GRAMD1B: variants seen among roughly 807,000 people sequenced by gnomAD.
The protein encoded by GRAMD1B is protein Aster-B.
In GRAMD1B, 37 loss-of-function variants were observed where a neutral mutation model predicts 99.7. The observed-to-expected ratio is 0.37, with a 90% CI of 0.29 to 0.49. The LOEUF (loss-of-function observed/expected upper bound fraction) is 0.49. Among genes scored for constraint, GRAMD1B ranks in the 20% least tolerant of loss-of-function variants. The pLI is 0.98. For synonymous variants in GRAMD1B, 427 were observed against 387.6 expected (o/e 1.10, Z -1.19); for missense variants, 888 against 1,009.2 (o/e 0.88, Z 1.63).
At position 123,618,755 on chromosome 11, in the gene GRAMD1B, C is replaced by T. The variant is rs775623707; in HGVS notation, c.2381C>T (p.Thr794Ile). 7 of 1,584,708 alleles carry T rather than the reference C, an allele frequency of 4.4e-6. No homozygotes were observed. Among genetic ancestry groups the T allele is most frequent in the East Asian group, 2.3e-5 (1 of 43,616 alleles). The change falls in exon 18 of 20, where the codon ACC (threonine) becomes ATC (isoleucine). Residue 794 changes from threonine to isoleucine, a missense_variant. Thr to Ile is a moderately conservative substitution (Grantham distance 89). This residue lies in a region of GRAMD1B where 232 missense variants were observed against 261.7 expected (regional missense o/e 0.89). Coordinates refer to ENST00000635736, the MANE Select transcript of GRAMD1B (RefSeq NM_001387025.1). ...TACAAACTCTGGATGTTGGAATACA[C>T]CACGCAGACCCTCACTGCCTGGCAG... ...LFYKLWMLEY[T>I]TQTLTAWQGL...
intron 1 of GRAMD1B, among the ~76,000 whole-genome samples, chr11:123,450,493 G>A (rs1450445494): frequency 6.6e-6 from 1 of 152,166 alleles, no homozygotes; most frequent in Non-Finnish European, 1.5e-5. Flanking sequence ...TCTCTAGTGG[G>A]GTAGAGAGAC....
rs1481759359 is a variant in GRAMD1B, at chr11:123,483,020, C to T, written c.452+2127C>T. 2.0e-5 allele frequency among the ~76,000 whole-genome samples: 3 copies of T among 149,428 alleles called. No individual in the cohort carries two copies. In the Admixed American group the frequency reaches 2.0e-4, roughly 10 times the overall value. ...GCAGTGAGTCAAGATTGTGCCACTG[C>T]ACTCCAGATTGGGTGGAAAAAAAAA... On this transcript the variant is annotated intron_variant, in intron 2 of 19. Coordinates refer to ENST00000635736, the MANE Select transcript of GRAMD1B (RefSeq NM_001387025.1).
chr11:123,379,771 G>A (rs548780582), intron 1 of GRAMD1B, among the ~76,000 whole-genome samples: 1 of 152,302 alleles, frequency 6.6e-6, no homozygotes, highest in South Asian at 2.1e-4. Context: ...TTTTCCAAAG[G>A]ACTGCACTAT....
intron 1 of GRAMD1B, among the ~76,000 whole-genome samples, chr11:123,464,850 T>C (rs764495350): frequency 4.5e-4 from 69 of 152,180 alleles, no homozygotes; most frequent in Non-Finnish European, 8.8e-4. Flanking sequence ...TGGAACTATT[T>C]CTGTGTTTCC....
chr11:123,495,245 A>C (rs1046165639), intron 2 of GRAMD1B, among the ~76,000 whole-genome samples: 3 of 152,132 alleles, frequency 2.0e-5, no homozygotes, highest in Non-Finnish European at 2.9e-5. Context: ...AATAAACATA[A>C]ATATAAATAC....
intron 1 of GRAMD1B, among the ~76,000 whole-genome samples, chr11:123,421,299 A>C (rs923991996): frequency 1.2e-4 from 19 of 152,224 alleles, no homozygotes; most frequent in Non-Finnish European, 1.5e-4. Context: ...TGGGCTTATG[A>C]GGGAATTAGA....
chr11:123,556,303 A>G (rs1031887957), intron 2 of GRAMD1B, among the ~76,000 whole-genome samples: 1 of 152,254 alleles, frequency 6.6e-6, no homozygotes, highest in East Asian at 1.9e-4. Flanking sequence ...AAAGTTTTTA[A>G]ATTTTATTTT....
upstream of GRAMD1B, among the ~76,000 whole-genome samples, chr11:123,425,398 A>G (rs925227412): frequency 6.6e-5 from 10 of 152,294 alleles, no homozygotes; most frequent in African/African-American, 2.2e-4. Context: ...AAGTCCTTGC[A>G]AGATTTAGAG....
chr11:123,584,884 A>G (rs1949910804), intron 4 of GRAMD1B, among the ~76,000 whole-genome samples: 1 of 152,112 alleles, frequency 6.6e-6, no homozygotes, highest in African/African-American at 2.4e-5. Flanking sequence ...TGTCTAGGTC[A>G]TCCTGGGGCG....
rs968713845 is a variant in GRAMD1B, at chr11:123,430,688, G to T, written c.-105G>T. ...AAGGAACTTGTTCCTTCGGCCCCAGGATTGGGGAGTGTGCCGCGGGGCCGA... is the reference window on the plus strand; with the variant it reads ...AAGGAACTTGTTCCTTCGGCCCCAGTATTGGGGAGTGTGCCGCGGGGCCGA... On this transcript the variant is annotated 5_prime_UTR_variant, in exon 1 of 20. Coordinates refer to ENST00000635736, the MANE Select transcript of GRAMD1B (RefSeq NM_001387025.1). The T allele has an allele frequency of 5.2e-6, 3 of 575,894 alleles. No individual in the cohort carries two copies. In the African/African-American group the frequency reaches 6.0e-5, roughly 11 times the overall value. The allele number at this position is 575,894 out of a possible 1,614,324, so 35.7% of individuals were successfully genotyped here.
intron 1 of GRAMD1B, among the ~76,000 whole-genome samples, chr11:123,367,888 A>G (rs925610637): frequency 1.3e-5 from 2 of 152,102 alleles, no homozygotes; most frequent in South Asian, 4.1e-4. Context: ...GTAAAGTATC[A>G]TCCAGATCTG....
At chr11:123,544,691 C>T (rs1289873938) in intron 2 of GRAMD1B, among the ~76,000 whole-genome samples, 2 of 152,238 alleles carry the variant, frequency 1.3e-5, no homozygotes, top group Non-Finnish European at 2.9e-5. Flanking sequence ...CGGCGGTTGT[C>T]ATCCAGGTGC....
Position 123,370,279 on chromosome 11 carries a change from G to T in GRAMD1B, c.-176+11480G>T, listed in dbSNP as rs554016077. 1.4e-4 allele frequency among the ~76,000 whole-genome samples: 21 copies of T among 149,614 alleles called. 1 individual carries two copies. The South Asian group carries it at 4.4e-3, about 32-fold the overall frequency. On this transcript the variant is annotated intron_variant, in intron 1 of 20. Transcript: ENST00000638157. ...TGCACTGAGCCGAGATTGCGCCACT[G>T]CACTCCAGCCTGGGTGCCAGAGCGA...
chr11:123,479,680 T>C (rs1185410025), intron 1 of GRAMD1B, among the ~76,000 whole-genome samples: 1 of 152,178 alleles, frequency 6.6e-6, no homozygotes, highest in Non-Finnish European at 1.5e-5. Flanking sequence ...ATTGTGGGCT[T>C]TGTGGGCCTA....
chr11:123,452,947 G>A (rs1949953747), intron 1 of GRAMD1B, among the ~76,000 whole-genome samples: 1 of 152,194 alleles, frequency 6.6e-6, no homozygotes, highest in African/African-American at 2.4e-5. Flanking sequence ...CACCACTGAA[G>A]TAAAGAATTC....
chr11:123,623,022 G>C lies in GRAMD1B; in HGVS notation c.*427G>C, dbSNP rs1197222132. On this transcript the variant is annotated 3_prime_UTR_variant, in exon 20 of 20. Transcript: ENST00000635736. ...TCATTCCCTAATCCCCTTTTGATTT[G>C]TTTCCAAAATAAAAGAGAATCTTTT... The C allele has an allele frequency of 6.6e-6, 1 of 152,110 alleles. No homozygotes were observed. Among genetic ancestry groups the C allele is most frequent in the Non-Finnish European group, 1.5e-5 (1 of 68,026 alleles). 9.4% of individuals were successfully genotyped at this position (152,110 alleles called of 1,614,324 possible). A position where few individuals can be genotyped will look rare whatever the true frequency, so the allele number is the denominator to read the frequency against.
intron 1 of GRAMD1B, among the ~76,000 whole-genome samples, chr11:123,438,765 A>G (rs733353): frequency 0.41 from 61,611 of 152,024 alleles, 13,167 homozygotes; most frequent in East Asian, 0.72. Context: ...TAGTTGGTGC[A>G]TTTCTCCCAG....
chr11:123,473,317 G>A (rs1951106198), intron 1 of GRAMD1B, among the ~76,000 whole-genome samples: 1 of 152,124 alleles, frequency 6.6e-6, no homozygotes, highest in Non-Finnish European at 1.5e-5. Flanking sequence ...GCCCACCTCG[G>A]CCTCCCAAAG....
At chr11:123,476,149 G>A (rs1038705350) in intron 1 of GRAMD1B, among the ~76,000 whole-genome samples, 15 of 150,850 alleles carry the variant, frequency 9.9e-5, no homozygotes, top group Non-Finnish European at 1.8e-4. Flanking sequence ...TATCTAGGCT[G>A]GAGGGCAGTG....
Sources: gnomAD v4.1 joint callset for allele counts (sites outside exome capture counted in the v4.1 genomes callset) on GRCh38, gnomAD v4.1.1 for gene constraint, gnomAD v4.1.1 regional missense constraint, MANE v1.5 for transcripts, NCBI Gene and HGNC (gene_info 2026-07-23, HGNC 2026-07-21) for gene names.